The following TIAM1 variants were observed in gnomAD, a reference collection of about 807,000 sequenced individuals.
The protein encoded by TIAM1 is TIAM Rac1 associated GEF 1, also known as rho guanine nucleotide exchange factor TIAM1.
In TIAM1, 65 loss-of-function variants were observed where a neutral mutation model predicts 163.5. That is an observed-to-expected ratio of 0.40 (90% CI 0.33 to 0.49). TIAM1 has a LOEUF of 0.49. TIAM1 is among the 20% of genes least tolerant of loss of function. TIAM1 has a pLI of 0.77. For synonymous variants in TIAM1, 833 were observed against 810.1 expected (o/e 1.03, Z -0.48); for missense variants, 1,789 against 2,044.7 (o/e 0.87, Z 2.41).
At chr21:31,378,284 T>G (rs1221827593) in intron 2 of TIAM1, among the ~76,000 whole-genome samples, 3 of 152,124 alleles carry the variant, frequency 2.0e-5, no homozygotes, top group African/African-American at 7.2e-5. Flanking sequence ...GTAACATTAC[T>G]GTTCATGTTA....
chr21:31,194,752 A>C (rs184149968), intron 13 of TIAM1, among the ~76,000 whole-genome samples: 61 of 152,304 alleles, frequency 4.0e-4, no homozygotes, highest in African/African-American at 1.4e-3. Flanking sequence ...CCCTTACAAA[A>C]AAGTAACCTG....
At chr21:31,275,481 T>C (rs990644676) in intron 3 of TIAM1, among the ~76,000 whole-genome samples, 1 of 152,036 alleles carries the variant, frequency 6.6e-6, no homozygotes, top group African/African-American at 2.4e-5. Flanking sequence ...ATGAAGAAAA[T>C]ACTACCTAGC....
Position 31,401,783 on chromosome 21 carries a change from C to T in TIAM1, c.-369+62200G>A, listed in dbSNP as rs369818179. 1.5e-3 allele frequency among the ~76,000 whole-genome samples: 223 copies of T among 151,918 alleles called. 2 individuals are homozygous for T. Among genetic ancestry groups the T allele is most frequent in the African/African-American group, 4.9e-3 (205 of 41,448 alleles). On this transcript the variant is annotated intron_variant, in intron 2 of 28. Transcript: ENST00000286827. ...AATTAGCTGGTCATGGTGGTATGCA[C>T]GCCTGGAACCCTAGCTACTCAGGGG...
At chr21:31,256,407 T>C (rs2072099953) in intron 4 of TIAM1, among the ~76,000 whole-genome samples, 1 of 152,146 alleles carries the variant, frequency 6.6e-6, no homozygotes, top group Non-Finnish European at 1.5e-5. Flanking sequence ...TAGATCCAGC[T>C]TGAATACACC....
chr21:31,546,625 CA>C (rs771949089), intron 1 of TIAM1, among the ~76,000 whole-genome samples: 1 of 151,008 alleles, frequency 6.6e-6, no homozygotes, highest in Non-Finnish European at 1.5e-5. Context: ...AGGGTGGGCC[CA>C]TGTAATCAAA....
At chr21:31,432,850 C>A (rs1037621683) in intron 2 of TIAM1, among the ~76,000 whole-genome samples, 1 of 152,122 alleles carries the variant, frequency 6.6e-6, no homozygotes, top group Non-Finnish European at 1.5e-5. Flanking sequence ...AGACTTTAAT[C>A]TGTATGTGGT....
intron 1 of TIAM1, among the ~76,000 whole-genome samples, chr21:31,491,872 T>A (rs2046479276): frequency 6.6e-6 from 1 of 152,158 alleles, no homozygotes. Context: ...ATAAATCATC[T>A]TGTTAAAGAT....
chr21:31,505,822 C>T (rs1458127009), intron 1 of TIAM1, among the ~76,000 whole-genome samples: 1 of 151,738 alleles, frequency 6.6e-6, no homozygotes, highest in Non-Finnish European at 1.5e-5. Flanking sequence ...ATGGCCAACA[C>T]AGTGAATGAA....
intron 2 of TIAM1, among the ~76,000 whole-genome samples, chr21:31,309,021 C>T (rs187077032): frequency 1.0e-3 from 145 of 142,352 alleles, no homozygotes; most frequent in African/African-American, 3.5e-3. Context: ...GCCTTACAAG[C>T]TCAATGACCT....
At chr21:31,482,630 G>C (rs1226187436) in intron 1 of TIAM1, among the ~76,000 whole-genome samples, 1 of 152,164 alleles carries the variant, frequency 6.6e-6, no homozygotes, top group Non-Finnish European at 1.5e-5. Flanking sequence ...TGGGAGGAGA[G>C]AGCGCAGAGT....
intron 2 of TIAM1, among the ~76,000 whole-genome samples, chr21:31,387,715 G>A (rs931137104): frequency 1.4e-4 from 22 of 152,160 alleles, no homozygotes; most frequent in Admixed American, 1.4e-3. Flanking sequence ...GGGCGGCTCT[G>A]TAAGTTGGTG....
Position 31,182,417 on chromosome 21 carries a change from A to G in TIAM1, c.2887+4T>C. ...CTCGCCCCCAGCACCCTGCACAGCC[A>G]TACCTGGGTTGCTGGTGAGAAAGGC... On this transcript the variant is annotated splice_donor_region_variant and intron_variant, in intron 15 of 27. Transcript: ENST00000541036. 1.3e-6 allele frequency: 2 copies of G among 1,558,146 alleles called. No individual in the cohort carries two copies. The highest frequency in any genetic ancestry group is 1.7e-6 in the Non-Finnish European group (2 of 1,154,990).
chr21:31,245,463 C>T, intron 6 of TIAM1, 25 bp downstream of exon 6: 1 of 1,390,652 alleles, frequency 7.2e-7, no homozygotes, highest in Middle Eastern at 1.9e-4. Flanking sequence ...TTTGAAATGC[C>T]CTGCAAAGGA....
chr21:31,335,200 G>A (rs2075799316), intron 2 of TIAM1, among the ~76,000 whole-genome samples: 1 of 152,100 alleles, frequency 6.6e-6, no homozygotes, highest in African/African-American at 2.4e-5. Context: ...ACTTTCCTGA[G>A]GGTGTTCAAA....
rs200252911 is a variant in TIAM1, at chr21:31,120,760, C to T, written c.4384G>A (p.Val1462Ile). ...TCTTTCTCCGGGCTGCTTGCGGAGA[C>T]GGCATCAGAATCAATGGTAAACCTG... ...RNRFTIDSDA[V>I]SASSPEKESQ... The change falls in exon 28 of 28, where the codon GTC becomes ATC. Residue 1462 changes from valine (V) to isoleucine (I), a missense_variant. Val to Ile is a conservative substitution (Grantham distance 29, BLOSUM62 3). This residue lies in a region of TIAM1 where 415 missense variants were observed against 439.2 expected (regional missense o/e 0.94). Transcript: ENST00000541036. The surrounding 1 kb of genome is among the most constrained non-coding windows in gnomAD (Gnocchi z 4.2). 201 of 1,613,948 alleles carry T rather than the reference C, an allele frequency of 1.2e-4. 2 individuals carry two copies. The highest frequency in any genetic ancestry group is 3.7e-4 in the Admixed American group (22 of 59,994).
intron 4 of TIAM1, among the ~76,000 whole-genome samples, chr21:31,254,423 G>A (rs1206162141): frequency 6.6e-6 from 1 of 152,222 alleles, no homozygotes; most frequent in Non-Finnish European, 1.5e-5. Flanking sequence ...GCAGGGCATG[G>A]TGGCTCATGC....
chr21:31,258,952 T>C (rs1472699289), intron 4 of TIAM1, among the ~76,000 whole-genome samples: 5 of 152,154 alleles, frequency 3.3e-5, no homozygotes, highest in South Asian at 2.1e-4. Flanking sequence ...AAGTTCTCCA[T>C]TGGGATCCAT....
chr21:31,332,522 T>G (rs957932271), intron 2 of TIAM1, among the ~76,000 whole-genome samples: 7 of 152,046 alleles, frequency 4.6e-5, no homozygotes, highest in Non-Finnish European at 8.8e-5. Flanking sequence ...AAATACTAAC[T>G]AGCAAATAAT....
rs538953133 is a variant in TIAM1, at chr21:31,243,807, G to A, written c.1584+1681C>T. Among the ~76,000 whole-genome samples, 32 of 152,292 alleles carry A rather than the reference G, an allele frequency of 2.1e-4. 1 individual carries two copies. In the South Asian group the frequency reaches 6.6e-3, roughly 32 times the overall value. ...CTGATTTTTCATCAAACACCATGAA[G>A]GCCAGAAAGCAGTGGGATTTTCAAA... On this transcript the variant is annotated intron_variant, in intron 6 of 27. Transcript: ENST00000541036.
Sources: allele counts gnomAD v4.1 joint callset (sites outside exome capture counted in the v4.1 genomes callset), GRCh38; gene constraint gnomAD v4.1.1; regional missense constraint gnomAD v4.1.1; non-coding constraint Gnocchi (gnomAD v3.1); transcripts MANE v1.5; gene names NCBI Gene and HGNC (gene_info 2026-07-23, HGNC 2026-07-21).